PDE10A: variants seen among roughly 807,000 people sequenced by gnomAD.
The protein encoded by PDE10A is cAMP and cAMP-inhibited cGMP 3',5'-cyclic phosphodiesterase 10A.
A neutral mutation model predicts 97.7 loss-of-function variants in PDE10A; 39 were observed. The ratio of observed to expected loss-of-function variants is 0.40; its 90% CI spans 0.31 to 0.52. PDE10A has a LOEUF of 0.52. Ranked by LOEUF, PDE10A falls within the 20% of genes least tolerant of loss-of-function variation. PDE10A has a pLI of 0.56. For synonymous variants in PDE10A, 371 were observed against 376.8 expected (o/e 0.98, Z 0.18); for missense variants, 731 against 1,047.8 (o/e 0.70, Z 4.17).
intron 1 of PDE10A, among the ~76,000 whole-genome samples, chr6:165,733,914 T>C (rs1792500475): frequency 6.6e-6 from 1 of 152,062 alleles, no homozygotes; most frequent in Non-Finnish European, 1.5e-5. Flanking sequence ...TCAGCACCTC[T>C]AGTTATGGTT....
Position 165,677,766 on chromosome 6 carries a change from T to C in PDE10A, c.-614-134198A>G, listed in dbSNP as rs569651975. On this transcript the variant is annotated intron_variant, in intron 1 of 19. Transcript: ENST00000366882. ...TGCATTTGTGTTCATATGCGTAATG[T>C]GTTTGTGTGTGTGTGTAAATGCGGG... 6.2e-4 allele frequency among the ~76,000 whole-genome samples: 95 copies of C among 152,240 alleles called. 1 individual carries two copies. The highest frequency in any genetic ancestry group is 2.2e-3 in the African/African-American group (91 of 41,538).
chr6:165,866,300 C>G lies in PDE10A; in HGVS notation c.-615+121229G>C, dbSNP rs1002746156. On this transcript the variant is annotated intron_variant, in intron 1 of 19. Coordinates refer to the PDE10A transcript ENST00000366882. ...AAAGTTAAAACATATATGACCACAT[C>G]TGTTGAAGCTCTAACTCAGTGTTTT... 5.9e-5 allele frequency among the ~76,000 whole-genome samples: 9 copies of G among 151,834 alleles called. No homozygotes were observed. The South Asian group carries it at 6.3e-4, about 11-fold the overall frequency.
chr6:165,872,903 G>C (rs1424230836), intron 1 of PDE10A, among the ~76,000 whole-genome samples: 1 of 152,216 alleles, frequency 6.6e-6, no homozygotes, highest in Non-Finnish European at 1.5e-5. Flanking sequence ...CCTGGACTCT[G>C]TGGCATTGAA....
At chr6:165,495,419 A>G (rs1165236682) in intron 2 of PDE10A, among the ~76,000 whole-genome samples, 1 of 152,128 alleles carries the variant, frequency 6.6e-6, no homozygotes, top group African/African-American at 2.4e-5. Flanking sequence ...TTGAGTCTTC[A>G]GAGACATTTC....
At chr6:165,974,298 T>C (rs1187720566) in intron 1 of PDE10A, among the ~76,000 whole-genome samples, 1 of 152,128 alleles carries the variant, frequency 6.6e-6, no homozygotes, top group African/African-American at 2.4e-5. Flanking sequence ...ATGAAACAAA[T>C]CTCTTCTCTA....
At chr6:165,348,926 T>A (rs1782499579) in intron 18 of PDE10A, among the ~76,000 whole-genome samples, 1 of 152,186 alleles carries the variant, frequency 6.6e-6, no homozygotes, top group South Asian at 2.1e-4. Context: ...CTGTCATAAC[T>A]GTAAGTCTCC....
intron 13 of PDE10A, among the ~76,000 whole-genome samples, chr6:165,403,256 T>C (rs530666956): frequency 6.6e-6 from 1 of 152,218 alleles, no homozygotes; most frequent in African/African-American, 2.4e-5. Flanking sequence ...TGTTTGATTT[T>C]GGTGATAATC....
At chr6:165,948,080 C>CAT (rs1286517793) in intron 1 of PDE10A, 1 of 139,146 alleles carries the variant, frequency 7.2e-6, no homozygotes, top group East Asian at 1.9e-4. Flanking sequence ...CATATATGTA[C>CAT]ATATATATAC....
Position 165,655,451 on chromosome 6 carries a change from A to T in PDE10A, c.865+6496T>A, listed in dbSNP as rs933244679. ...ACCATTTACCCAATCTTTCCAGCCA[A>T]AAACCCAGGCATGGATTCTTGATTC... On this transcript the variant is annotated intron_variant, in intron 1 of 21. Transcript: ENST00000539869. The surrounding 1 kb of genome is among the most constrained non-coding windows in gnomAD (Gnocchi z 4.5). 6.6e-6 allele frequency among the ~76,000 whole-genome samples: 1 copy of T among 152,010 alleles called. No individual in the cohort carries two copies. The highest frequency in any genetic ancestry group is 1.5e-5 in the Non-Finnish European group (1 of 68,008).
intron 1 of PDE10A, among the ~76,000 whole-genome samples, chr6:165,887,202 G>A (rs1781653313): frequency 6.6e-6 from 1 of 152,134 alleles, no homozygotes; most frequent in African/African-American, 2.4e-5. Context: ...TGAAGAAGGA[G>A]CCTACAATCC....
At chr6:165,769,977 A>G (rs1442095586) in intron 1 of PDE10A, among the ~76,000 whole-genome samples, 1 of 152,196 alleles carries the variant, frequency 6.6e-6, no homozygotes, top group Non-Finnish European at 1.5e-5. Flanking sequence ...TTTCTTTTAT[A>G]ATGTAATTCC....
chr6:165,894,304 C>T (rs1370139491), intron 1 of PDE10A: 1 of 456,028 alleles, frequency 2.2e-6, no homozygotes, highest in East Asian at 6.9e-5. Flanking sequence ...ATCCAATCTG[C>T]AGATGACAAA....
rs985806235 is a variant in PDE10A, at chr6:165,576,604, A to C, written c.866-33036T>G. On this transcript the variant is annotated intron_variant, in intron 1 of 21. Transcript: ENST00000539869. ...ATAATTCTCAGCATGGCTACACTTT[A>C]ACCTACTTGAATCTTCTCCCTCTTC... 3.3e-5 allele frequency among the ~76,000 whole-genome samples: 5 copies of C among 152,276 alleles called. No individual in the cohort carries two copies. The East Asian group carries it at 7.7e-4, about 24-fold the overall frequency.
chr6:165,636,318 A>AC lies in PDE10A; in HGVS notation c.865+25628_865+25629insG, dbSNP rs747508214. ...CCTCCCATACACACACACACACACA[A>AC]ACACTCTTCAAAATAAAGTTACAAT... On this transcript the variant is annotated intron_variant, in intron 1 of 21. Coordinates refer to ENST00000539869, the MANE Select transcript of PDE10A (RefSeq NM_001385079.1). 1.7e-3 allele frequency among the ~76,000 whole-genome samples: 252 copies of AC among 151,902 alleles called. 1 individual carries two copies. The highest frequency in any genetic ancestry group is 3.0e-3 in the Non-Finnish European group (201 of 67,944).
chr6:165,795,275 GCT>G (rs1778797938), intron 1 of PDE10A, among the ~76,000 whole-genome samples: 1 of 152,114 alleles, frequency 6.6e-6, no homozygotes, highest in Non-Finnish European at 1.5e-5. Context: ...AACATTTCCT[GCT>G]CTGTTTAGTC....
chr6:165,734,286 T>C (rs1198218364), intron 1 of PDE10A, among the ~76,000 whole-genome samples: 1 of 151,860 alleles, frequency 6.6e-6, no homozygotes, highest in Non-Finnish European at 1.5e-5. Context: ...CTGGGCCACC[T>C]CCAGGAACAG....
intron 1 of PDE10A, among the ~76,000 whole-genome samples, chr6:165,790,386 G>A (rs535628724): frequency 1.3e-4 from 20 of 152,286 alleles, no homozygotes; most frequent in Admixed American, 1.2e-3. Context: ...AAACAGCGGT[G>A]CTCTGTTTGC....
At chr6:165,592,999 T>C (rs912559459) in intron 1 of PDE10A, among the ~76,000 whole-genome samples, 2 of 152,198 alleles carry the variant, frequency 1.3e-5, no homozygotes, top group Non-Finnish European at 2.9e-5. Context: ...CACATGCACA[T>C]GTATGTTTAT....
chr6:165,476,195 G>A (rs561134416), intron 3 of PDE10A, among the ~76,000 whole-genome samples: 4 of 151,896 alleles, frequency 2.6e-5, no homozygotes, highest in Admixed American at 6.5e-5. Flanking sequence ...TATCCAAAGC[G>A]TTAGTATTAT....
Sources: gnomAD v4.1 joint callset for allele counts (sites outside exome capture counted in the v4.1 genomes callset) on GRCh38, gnomAD v4.1.1 for gene constraint, Gnocchi (gnomAD v3.1) non-coding constraint, MANE v1.5 for transcripts, NCBI Gene and HGNC (gene_info 2026-07-23, HGNC 2026-07-21) for gene names.